Variants in RGS7 observed in about 807,000 individuals in gnomAD.
RGS7 encodes the protein regulator of G-protein signaling 7.
In RGS7, 27 loss-of-function variants were observed where a neutral mutation model predicts 81.1. The observed-to-expected ratio is 0.33, with a 90% CI of 0.25 to 0.46. The LOEUF (loss-of-function observed/expected upper bound fraction) is 0.46. RGS7 is among the 20% of genes least tolerant of loss of function. RGS7 has a pLI of 1.00. For synonymous variants in RGS7, 208 were observed against 207.7 expected (o/e 1.00, Z -0.01); for missense variants, 396 against 607.4 (o/e 0.65, Z 3.66).
At chr1:241,331,339 G>A (rs1282391400) in intron 2 of RGS7, among the ~76,000 whole-genome samples, 3 of 151,914 alleles carry the variant, frequency 2.0e-5, no homozygotes, top group Non-Finnish European at 4.4e-5. Flanking sequence ...TGAAAGAATG[G>A]ACTTAAAAAA....
intron 3 of RGS7, among the ~76,000 whole-genome samples, chr1:240,991,428 T>C (rs1686440258): frequency 4.6e-5 from 7 of 152,170 alleles, no homozygotes; most frequent in Admixed American, 4.6e-4. Flanking sequence ...GAGGATTCCT[T>C]ATCAACCAGA....
intron 2 of RGS7, among the ~76,000 whole-genome samples, chr1:241,254,593 C>T (rs1483481010): frequency 1.3e-5 from 2 of 152,170 alleles, no homozygotes; most frequent in Non-Finnish European, 2.9e-5. Context: ...AAAGGTCTTA[C>T]CTCCAAATAA....
At chr1:240,801,434 T>C in intron 17 of RGS7, 21 bp downstream of exon 17, 1 of 1,529,684 alleles carries the variant, frequency 6.5e-7, no homozygotes, top group East Asian at 2.3e-5. Flanking sequence ...GATTCATAAT[T>C]CCTCAAAAAA....
At chr1:241,262,920 G>A (rs932108261) in intron 2 of RGS7, among the ~76,000 whole-genome samples, 6 of 152,086 alleles carry the variant, frequency 3.9e-5, no homozygotes, top group Non-Finnish European at 8.8e-5. Context: ...CCAACATGGT[G>A]AAACGCCGTC....
At chr1:240,924,698 A>G (rs1004220021) in intron 6 of RGS7, among the ~76,000 whole-genome samples, 1 of 152,210 alleles carries the variant, frequency 6.6e-6, no homozygotes, top group African/African-American at 2.4e-5. Context: ...GACAAAATCT[A>G]CATTGTAATT....
chr1:241,197,286 G>A (rs796934532), intron 2 of RGS7, among the ~76,000 whole-genome samples: 414 of 4,606 alleles, frequency 0.09, 144 homozygotes, highest in African/African-American at 0.19. Flanking sequence ...ACGGAGTCTC[G>A]CTCTGTCGCC....
In RGS7 at chr1:241,080,953, C is replaced by T. The variant is rs372902545; in HGVS notation, c.175+17713G>A. Among the ~76,000 whole-genome samples, 94 of 152,204 alleles carry T rather than the reference C, an allele frequency of 6.2e-4. 4 individuals are homozygous for T. The South Asian group carries it at 0.017, about 27-fold the overall frequency. On this transcript the variant is annotated intron_variant, in intron 3 of 18. Transcript: ENST00000440928. ...TTATGGCCTGAGGAGCCCATATTCACGTGGTTTCGAATATGGGTAGGATTG... is the reference window on the plus strand; with the variant it reads ...TTATGGCCTGAGGAGCCCATATTCATGTGGTTTCGAATATGGGTAGGATTG...
At chr1:241,134,640 C>T (rs1343801817) in intron 2 of RGS7, among the ~76,000 whole-genome samples, 1 of 152,048 alleles carries the variant, frequency 6.6e-6, no homozygotes, top group African/African-American at 2.4e-5. Context: ...AAAAGGCCCA[C>T]GAGGGAAAGT....
chr1:241,171,702 G>T (rs963463532), intron 2 of RGS7, among the ~76,000 whole-genome samples: 4 of 152,172 alleles, frequency 2.6e-5, no homozygotes, highest in Non-Finnish European at 4.4e-5. Flanking sequence ...AGAGATAGAT[G>T]GATTAAGTCG....
intron 2 of RGS7, among the ~76,000 whole-genome samples, chr1:241,238,568 C>G (rs932693165): frequency 1.3e-5 from 2 of 152,128 alleles, no homozygotes; most frequent in African/African-American, 2.4e-5. Flanking sequence ...GAGTTTCACT[C>G]TGTCACCCAG....
At chr1:240,970,665 A>C (rs1683056579) in intron 4 of RGS7, among the ~76,000 whole-genome samples, 1 of 152,172 alleles carries the variant, frequency 6.6e-6, no homozygotes, top group African/African-American at 2.4e-5. Flanking sequence ...AGAGGCCACC[A>C]AAAGAGAGAT....
Position 241,064,878 on chromosome 1 carries a change from AC to A in RGS7, c.175+33787del, listed in dbSNP as rs1253179958. ...GGCACACATTCTCTCCAATAGAAAC[AC>A]CTCCACATTCATGTCTTTTATTTAT... On this transcript the variant is annotated intron_variant, in intron 3 of 18. Transcript: ENST00000440928. Among the ~76,000 whole-genome samples the A allele has an allele frequency of 4.6e-5, 7 of 152,010 alleles. No individual in the cohort carries two copies. In the South Asian group the frequency reaches 1.5e-3, roughly 32 times the overall value.
intron 2 of RGS7, among the ~76,000 whole-genome samples, chr1:241,143,599 G>A (rs1447576316): frequency 6.6e-6 from 1 of 152,108 alleles, no homozygotes; most frequent in Non-Finnish European, 1.5e-5. Context: ...TTCCCACCAG[G>A]TCCCTCTCAC....
At chr1:240,878,723 T>TAC (rs1156302289) in intron 6 of RGS7, among the ~76,000 whole-genome samples, 18 of 151,054 alleles carry the variant, frequency 1.2e-4, no homozygotes, top group Admixed American at 2.0e-4. Flanking sequence ...ATTTGGTGTA[T>TAC]ACACACACAC....
intron 2 of RGS7, among the ~76,000 whole-genome samples, chr1:241,254,412 A>G (rs1296898344): frequency 6.6e-6 from 1 of 152,086 alleles, no homozygotes; most frequent in Admixed American, 6.6e-5. Context: ...TTTATTTTTC[A>G]CGGTTCTGGA....
intron 2 of RGS7, among the ~76,000 whole-genome samples, chr1:241,287,764 C>CAT (rs397836986): frequency 6.6e-6 from 1 of 151,800 alleles, no homozygotes; most frequent in South Asian, 2.1e-4. Context: ...CACACACACA[C>CAT]GACAGAGGGA....
At chr1:240,925,062 C>A (rs10926378) in intron 6 of RGS7, among the ~76,000 whole-genome samples, 45,879 of 151,952 alleles carry the variant, frequency 0.3, 8,221 homozygotes, top group East Asian at 0.49. Flanking sequence ...AGATTCAACC[C>A]TTGAAAGGAG....
chr1:241,230,286 T>C (rs748115639), intron 2 of RGS7, among the ~76,000 whole-genome samples: 5 of 151,958 alleles, frequency 3.3e-5, no homozygotes, highest in Admixed American at 2.0e-4. Flanking sequence ...TGATCTCGGC[T>C]CACTGAAAAC....
At chr1:240,853,730 G>A (rs533536623) in intron 9 of RGS7, among the ~76,000 whole-genome samples, 2 of 151,682 alleles carry the variant, frequency 1.3e-5, no homozygotes, top group African/African-American at 4.8e-5. Context: ...GTGAAACCCC[G>A]TCTCTACTAA....
Sources: allele counts gnomAD v4.1 joint callset (sites outside exome capture counted in the v4.1 genomes callset), GRCh38; gene constraint gnomAD v4.1.1; transcripts MANE v1.5; gene names NCBI Gene and HGNC (gene_info 2026-07-23, HGNC 2026-07-21).